Variants in TIAM2 observed in about 807,000 individuals in gnomAD.
TIAM2 encodes the protein TIAM Rac1 associated GEF 2.
In TIAM2, 80 loss-of-function variants were observed where a neutral mutation model predicts 152.9. The ratio of observed to expected loss-of-function variants is 0.52; its 90% CI spans 0.44 to 0.63. The LOEUF is 0.63. TIAM2 is among the 30% of genes least tolerant of loss of function. TIAM2 has a pLI of 0.00. For missense variants in TIAM2, 1,965 were observed against 2,120.1 expected (o/e 0.93, Z 1.44); for synonymous variants, 804 against 838.0 (o/e 0.96, Z 0.70).
In TIAM2 at chr6:155,054,034, A is replaced by G. The variant is rs151011256; in HGVS notation, c.-208-36255A>G. 7.2e-5 allele frequency among the ~76,000 whole-genome samples: 11 copies of G among 152,220 alleles called. No homozygotes were observed. In the East Asian group the frequency reaches 2.1e-3, roughly 29 times the overall value. The stretch of plus-strand genomic sequence containing the variant: ...CTAAAAATACAAAATCTAGCCAGGC[A>G]TGGTGGCAGGCACCTGTAGTCCCAG... On this transcript the variant is annotated intron_variant, in intron 1 of 26. Transcript: ENST00000682666.
intron 1 of TIAM2, among the ~76,000 whole-genome samples, chr6:155,076,217 G>A (rs544299253): frequency 6.6e-6 from 1 of 152,246 alleles, no homozygotes; most frequent in South Asian, 2.1e-4. Context: ...GGCTTGAGAG[G>A]TGGGAGTGGG....
chr6:155,168,982 G>GT (rs939972144), intron 9 of TIAM2: 4,983 of 1,321,448 alleles, frequency 3.8e-3, no homozygotes, highest in East Asian at 4.3e-3. Context: ...AACTTTTTCT[G>GT]TTTTTTTTTG....
Position 155,148,556 on chromosome 6 carries a change from T to C in TIAM2, c.2028+222T>C, listed in dbSNP as rs553969781. ...TGCTTTATGACCTTTGGCGGCTCTA[T>C]GTATATACTGAAATATTTTGTGACC... On this transcript the variant is annotated intron_variant, in intron 7 of 26. Transcript: ENST00000682666. Among the ~76,000 whole-genome samples the C allele has an allele frequency of 4.6e-5, 7 of 152,356 alleles. No individual in the cohort carries two copies. The South Asian group carries it at 1.2e-3, about 27-fold the overall frequency.
At chr6:155,011,280 G>T (rs1263253176) in intron 1 of TIAM2, among the ~76,000 whole-genome samples, 1 of 152,108 alleles carries the variant, frequency 6.6e-6, no homozygotes, top group Non-Finnish European at 1.5e-5. Context: ...AGACCTTTTG[G>T]ACAGGCGATC....
chr6:155,025,194 A>ATTT (rs781027891), intron 1 of TIAM2, among the ~76,000 whole-genome samples: 91 of 121,232 alleles, frequency 7.5e-4, no homozygotes, highest in Admixed American at 1.3e-3. Flanking sequence ...TAATTTTTGT[A>ATTT]TTTTTTTTTT....
chr6:155,211,229 AACAGG>A lies in TIAM2; in HGVS notation c.3091_3095del (p.Thr1031SerfsTer27). On this transcript the variant is annotated frameshift_variant, in exon 15 of 27. Coordinates refer to ENST00000682666, the MANE Select transcript of TIAM2 (RefSeq NM_012454.4). LOFTEE classifies it high-confidence loss of function. ...ATTTCAGCAACGTCCCTGATATCAC[AACAGG>A]TCTGAAAAGGAGTCAGACAGATGGC... 2 of 1,613,562 alleles carry A rather than the reference AACAGG, an allele frequency of 1.2e-6. No individual in the cohort carries two copies. Among genetic ancestry groups the A allele is most frequent in the Non-Finnish European group, 8.5e-7 (1 of 1,179,566 alleles).
At chr6:155,220,769 T>C (rs974777586) in intron 15 of TIAM2, among the ~76,000 whole-genome samples, 2 of 152,222 alleles carry the variant, frequency 1.3e-5, no homozygotes, top group Non-Finnish European at 2.9e-5. Flanking sequence ...TACCTCTTTT[T>C]AAAATTATTA....
chr6:155,183,148 T>C, intron 13 of TIAM2, 89 bp from the exon 14 acceptor site: 1 of 1,495,770 alleles, frequency 6.7e-7, no homozygotes, highest in African/African-American at 1.4e-5. Context: ...TACGAGTACA[T>C]GGTTTGAGTT....
intron 1 of TIAM2, among the ~76,000 whole-genome samples, chr6:155,083,141 A>G (rs1778105072): frequency 6.6e-6 from 1 of 152,010 alleles, no homozygotes; most frequent in African/African-American, 2.4e-5. Flanking sequence ...TGAGGTCAGG[A>G]GTTCAAGACC....
At chr6:155,125,449 G>A (rs577964136) in intron 2 of TIAM2, among the ~76,000 whole-genome samples, 54 of 152,284 alleles carry the variant, frequency 3.5e-4, no homozygotes, top group African/African-American at 1.0e-3. Context: ...AACAAGCATG[G>A]GTGAGGATGT....
intron 15 of TIAM2, among the ~76,000 whole-genome samples, chr6:155,230,887 A>C (rs190707051): frequency 6.7e-6 from 1 of 149,970 alleles, no homozygotes; most frequent in East Asian, 2.0e-4. Context: ...AGGCTGGAGT[A>C]CAGTGGAACG....
chr6:155,157,203 C>T (rs1406652540), intron 7 of TIAM2, among the ~76,000 whole-genome samples: 1 of 152,168 alleles, frequency 6.6e-6, no homozygotes, highest in Non-Finnish European at 1.5e-5. Context: ...GAGATCTTCT[C>T]TGAGTCAGCC....
rs1259527512 is a variant in TIAM2 at position 155,151,829 on chromosome 6, TTTTTTTTTTCTTTTTTTTTC to T, written c.2028+3505_2028+3524del. Among the ~76,000 whole-genome samples, 282 of 37,286 alleles carry T rather than the reference TTTTTTTTTTCTTTTTTTTTC, an allele frequency of 7.6e-3. 2 individuals are homozygous for T. Among genetic ancestry groups the T allele is most frequent in the African/African-American group, 0.016 (265 of 16,580 alleles). The allele number at this position is 37,286 out of a possible 152,430, so 24.5% of individuals were successfully genotyped here. ...TAATTTTCTGTAATTCTATAGAATC[TTTTTTTTTTCTTTTTTTTTC>T]TTTTTTTTTTTTGAGACAGAGTTTT... is the stretch of plus-strand genomic sequence containing the variant. On this transcript the variant is annotated intron_variant, in intron 7 of 26. Transcript: ENST00000682666.
At chr6:155,245,591 G>A in intron 18 of TIAM2, 32 bp from the exon 19 acceptor site, 2 of 1,561,234 alleles carry the variant, frequency 1.3e-6, no homozygotes, top group South Asian at 2.2e-5. Flanking sequence ...ATTAAACCAT[G>A]TCTGATTTGA....
chr6:155,056,029 A>G (rs1389170272), intron 1 of TIAM2, among the ~76,000 whole-genome samples: 1 of 152,080 alleles, frequency 6.6e-6, no homozygotes, highest in Non-Finnish European at 1.5e-5. Context: ...TTCAGAATTA[A>G]CCATGTTCTT....
At position 155,153,622 on chromosome 6, in the gene TIAM2, T is replaced by C. The variant is rs898416415; in HGVS notation, c.2028+5288T>C. Among the ~76,000 whole-genome samples, 4 of 29,284 alleles carry C rather than the reference T, an allele frequency of 1.4e-4. No individual in the cohort carries two copies. In the East Asian group the frequency reaches 5.1e-3, roughly 38 times the overall value. 19.2% of individuals were successfully genotyped at this position (29,284 alleles called of 152,430 possible). On this transcript the variant is annotated intron_variant, in intron 7 of 26. Coordinates refer to ENST00000682666, the MANE Select transcript of TIAM2 (RefSeq NM_012454.4). ...CAGGTTGTAAAGGAGCTGTTTACGC[T>C]TTTTTTTTTTTTTTTTTTTGACAGA...
intron 2 of TIAM2, among the ~76,000 whole-genome samples, chr6:155,126,705 T>C (rs1366509716): frequency 6.6e-6 from 1 of 151,650 alleles, no homozygotes; most frequent in African/African-American, 2.4e-5. Flanking sequence ...CACTCCCGCC[T>C]GGGCAAGAAG....
chr6:155,181,774 G>C (rs1182320057), intron 12 of TIAM2, among the ~76,000 whole-genome samples: 2 of 152,182 alleles, frequency 1.3e-5, no homozygotes, highest in Non-Finnish European at 2.9e-5. Flanking sequence ...GTATCATACT[G>C]TGTTGTCTAT....
chr6:155,200,772 G>A lies in TIAM2; in HGVS notation c.3065-10432G>A, dbSNP rs145407361. ...ATAAAAATTAGCTGGGCATGGTGGC[G>A]CACACCTGTTGTCTCAGCTACTTGG... On this transcript the variant is annotated intron_variant, in intron 14 of 26. Transcript: ENST00000682666. 9.2e-3 allele frequency among the ~76,000 whole-genome samples: 1,400 copies of A among 152,086 alleles called. 23 individuals are homozygous for A. The highest frequency in any genetic ancestry group is 0.032 in the African/African-American group (1,323 of 41,506).
Sources: gnomAD v4.1 joint callset for allele counts (sites outside exome capture counted in the v4.1 genomes callset) on GRCh38, gnomAD v4.1.1 for gene constraint, MANE v1.5 for transcripts, NCBI Gene and HGNC (gene_info 2026-07-23, HGNC 2026-07-21) for gene names.